BCAR1: variants seen among roughly 807,000 people sequenced by gnomAD.
The protein encoded by BCAR1 is breast cancer anti-estrogen resistance protein 1.
In BCAR1, 30 loss-of-function variants were observed where a neutral mutation model predicts 67.6. That is an observed-to-expected ratio of 0.44 (90% CI 0.33 to 0.60). The LOEUF is 0.60. Ranked by LOEUF, BCAR1 falls within the 20% of genes least tolerant of loss-of-function variation. The pLI is 0.02. For missense variants in BCAR1, 1,313 were observed against 1,222.3 expected (o/e 1.07, Z -1.11); for synonymous variants, 626 against 556.7 (o/e 1.12, Z -1.75).
chr16:75,244,438 C>T (rs996872798), intron 1 of BCAR1, among the ~76,000 whole-genome samples: 1 of 152,208 alleles, frequency 6.6e-6, no homozygotes, highest in African/African-American at 2.4e-5. Context: ...GTCCCTAGGG[C>T]CCACCCTCCT....
intron 6 of BCAR1, 121 bp from the exon 7 acceptor site, chr16:75,230,144 C>G (rs891763325): frequency 1.6e-6 from 2 of 1,261,580 alleles, no homozygotes; most frequent in African/African-American, 3.0e-5. Flanking sequence ...GTGCATGGGA[C>G]TGCAGGGAAA....
At chr16:75,262,478 C>A (rs1200731987) in intron 1 of BCAR1, among the ~76,000 whole-genome samples, 1 of 152,214 alleles carries the variant, frequency 6.6e-6, no homozygotes, top group East Asian at 1.9e-4. Flanking sequence ...AGGCAGCTGG[C>A]TGGAGATCAC....
At position 75,235,815 on chromosome 16, in the gene BCAR1, A is replaced by T; in HGVS notation, c.1084T>A (p.Tyr362Asn). 6.3e-7 allele frequency: 1 copy of T among 1,589,528 alleles called. No homozygotes were observed. The highest frequency in any genetic ancestry group is 1.1e-5 in the South Asian group (1 of 87,782). ...PPDSPPAEDV[Y>N]DVPPPAPDLY... Reference sequence around the variant, plus strand: ...TCAGGAGCCGGGGGCGGCACGTCATACACGTCCTCGGCCGGCGGGGAGTCT... The same window carrying T: ...TCAGGAGCCGGGGGCGGCACGTCATTCACGTCCTCGGCCGGCGGGGAGTCT... Residue 362 changes from tyrosine to asparagine, a missense_variant, in exon 5 of 7, where the codon TAT (tyrosine) becomes AAT (asparagine). By Grantham distance (143) the Tyr-to-Asn change is moderately radical. Coordinates refer to ENST00000162330, the MANE Select transcript of BCAR1 (RefSeq NM_014567.5).
rs915165276 is a variant in BCAR1 at position 75,229,107 on chromosome 16, C to G, written c.*404G>C. The G allele has an allele frequency of 2.8e-5, 5 of 180,282 alleles. No homozygotes were observed. Among genetic ancestry groups the G allele is most frequent in the Non-Finnish European group, 5.7e-5 (5 of 87,680 alleles). 11.2% of individuals were successfully genotyped at this position (180,282 alleles called of 1,614,324 possible). A position where few individuals can be genotyped will look rare whatever the true frequency, so the allele number is the denominator to read the frequency against. ...GGAAAACCAATAACGAAAAATAGTT[C>G]TTCAGGTTCTTCTCCTGGTAAGGCG... On this transcript the variant is annotated 3_prime_UTR_variant, in exon 7 of 7. Coordinates refer to ENST00000162330, the MANE Select transcript of BCAR1 (RefSeq NM_014567.5).
chr16:75,256,757 G>C (rs2151471809), intron 1 of BCAR1, among the ~76,000 whole-genome samples: 1 of 152,200 alleles, frequency 6.6e-6, no homozygotes, highest in East Asian at 1.9e-4. Flanking sequence ...GTGCCGTTCA[G>C]AGGCTCTCCG....
At position 75,237,316 on chromosome 16, in the gene BCAR1, C is replaced by T. The variant is rs750424218; in HGVS notation, c.662G>A (p.Gly221Asp). Residue 221 changes from glycine to aspartate, a missense_variant, in exon 3 of 7, where the codon GGC (glycine) becomes GAC (aspartate). Transcript: ENST00000162330. ...KVVVPTRVGQ[G>D]YVYEAAQPEQ... is the part of the protein sequence containing the mutation. ...CGGCTGGGCGGCCTCGTATACATAG[C>T]CCTGCCCCACGCGGGTGGGCACCAC... The T allele has an allele frequency of 1.3e-6, 2 of 1,490,780 alleles. No homozygotes were observed. Among genetic ancestry groups the T allele is most frequent in the Non-Finnish European group, 1.8e-6 (2 of 1,123,512 alleles). 92.3% of individuals were successfully genotyped at this position (1,490,780 alleles called of 1,614,324 possible). A position where few individuals can be genotyped will look rare whatever the true frequency, so the allele number is the denominator to read the frequency against.
intron 2 of BCAR1, among the ~76,000 whole-genome samples, chr16:75,237,935 T>TG (rs1465448368): frequency 6.6e-6 from 1 of 152,108 alleles, no homozygotes; most frequent in South Asian, 2.1e-4. Context: ...GGGTGTGTGC[T>TG]GGGGGGCGCA....
intron 1 of BCAR1, chr16:75,266,046 A>G: frequency 2.9e-6 from 3 of 1,024,738 alleles, no homozygotes; most frequent in East Asian, 9.5e-5. Flanking sequence ...CTCCGCGGCC[A>G]GGGACGCGTT....
At chr16:75,262,528 G>A (rs992973061) in intron 1 of BCAR1, among the ~76,000 whole-genome samples, 9 of 152,180 alleles carry the variant, frequency 5.9e-5, no homozygotes, top group Admixed American at 5.2e-4. Context: ...AAGGCCCAGC[G>A]GCAGAAGAGG....
In BCAR1 at chr16:75,233,943, G is replaced by T; in HGVS notation, c.2011-8C>A. 1 of 1,597,364 alleles carries T rather than the reference G, an allele frequency of 6.3e-7. No individual in the cohort carries two copies. The highest frequency in any genetic ancestry group is 8.5e-7 in the Non-Finnish European group (1 of 1,171,076). On this transcript the variant is annotated splice_region_variant and splice_polypyrimidine_tract_variant and intron_variant, in intron 5 of 6. Coordinates refer to ENST00000162330, the MANE Select transcript of BCAR1 (RefSeq NM_014567.5). ...CTCAAACTCCTCCTTCCCCTGGAGG[G>T]CAGAGACAGGGGCTGCGCTGAGGCC... is the stretch of plus-strand genomic sequence containing the variant.
rs185296611 is a variant in BCAR1, at chr16:75,239,294, A to T, written c.634-1950T>A. On this transcript the variant is annotated intron_variant, in intron 2 of 6. Coordinates refer to ENST00000162330, the MANE Select transcript of BCAR1 (RefSeq NM_014567.5). Reference sequence around the variant, plus strand: ...AGGAGGAGAGAACAGAGGCACAGTCACTGACATAAGACCCACACGGTCTCT... The same window carrying T: ...AGGAGGAGAGAACAGAGGCACAGTCTCTGACATAAGACCCACACGGTCTCT... Among the ~76,000 whole-genome samples the T allele has an allele frequency of 9.7e-4, 147 of 152,228 alleles. 1 individual carries two copies. The highest frequency in any genetic ancestry group is 3.5e-3 in the African/African-American group (144 of 41,538).
intron 1 of BCAR1, among the ~76,000 whole-genome samples, chr16:75,256,996 C>A (rs1313915515): frequency 6.6e-6 from 1 of 152,160 alleles, no homozygotes; most frequent in East Asian, 1.9e-4. Flanking sequence ...GCAGAGGCAG[C>A]CCCTCAGCAC....
upstream of BCAR1, among the ~76,000 whole-genome samples, chr16:75,255,977 C>T (rs977602416): frequency 9.9e-5 from 15 of 152,182 alleles, no homozygotes; most frequent in Admixed American, 8.5e-4. Flanking sequence ...GGCGAGAGAG[C>T]GAAACTACGT....
At position 75,242,485 on chromosome 16, in the gene BCAR1, C is replaced by T. The variant is rs781398124; in HGVS notation, c.618G>A (p.Thr206=). ...PSMDTRSWEG[T]KPPAKVVVPT... is the part of the protein sequence containing the mutation. ...ACAGCCTTACCTTTGCCGGGGGCTT[C>T]GTGCCCTCCCAGCTGCGTGTGTCCA... is the stretch of plus-strand genomic sequence containing the variant. Residue 206 remains threonine, a synonymous_variant, in exon 2 of 7, where the codon ACG becomes ACA. Coordinates refer to ENST00000162330, the MANE Select transcript of BCAR1 (RefSeq NM_014567.5). The T allele has an allele frequency of 3.9e-5, 57 of 1,456,168 alleles. No homozygotes were observed. The highest frequency in any genetic ancestry group is 1.3e-4 in the South Asian group (8 of 61,608). The allele number at this position is 1,456,168 out of a possible 1,614,324, so 90.2% of individuals were successfully genotyped here. A position where few individuals can be genotyped will look rare whatever the true frequency, so the allele number is the denominator to read the frequency against.
chr16:75,235,728 G>T lies in BCAR1; in HGVS notation c.1171C>A (p.Arg391Ser). ...ACCTCAGGAGGAAGCACCCGTTCAC[G>T]GGGCACATCGTACAGGGTGCCCGGG... is the stretch of plus-strand genomic sequence containing the variant. ...PGPGTLYDVP[R>S]ERVLPPEVAD... is the part of the protein sequence containing the mutation. Residue 391 changes from arginine (R) to serine (S), a missense_variant, in exon 5 of 7, where the codon CGT becomes AGT. This residue lies in a region of BCAR1 where 1,272 missense variants were observed against 1,137.5 expected (regional missense o/e 1.12). Coordinates refer to ENST00000162330, the MANE Select transcript of BCAR1 (RefSeq NM_014567.5). 6.2e-7 allele frequency: 1 copy of T among 1,605,412 alleles called. No individual in the cohort carries two copies. The highest frequency in any genetic ancestry group is 8.5e-7 in the Non-Finnish European group (1 of 1,175,898).
At chr16:75,266,894 TG>T (rs1472867010) in intron 1 of BCAR1, 1 of 833,332 alleles carries the variant, frequency 1.2e-6, no homozygotes, top group Non-Finnish European at 1.6e-6. Flanking sequence ...CCCGGGCTCA[TG>T]GCGGGGACCT....
intron 1 of BCAR1, chr16:75,243,611 A>T: frequency 2.3e-6 from 1 of 432,658 alleles, no homozygotes; most frequent in South Asian, 1.6e-5. Flanking sequence ...ATTAATTTAG[A>T]AACTTCAAAC....
At chr16:75,257,205 C>T (rs2077798586) in intron 1 of BCAR1, among the ~76,000 whole-genome samples, 1 of 152,182 alleles carries the variant, frequency 6.6e-6, no homozygotes, top group Non-Finnish European at 1.5e-5. Context: ...CAGCCATCTG[C>T]TCTCCCATGG....
rs561074431 is a variant in BCAR1 at position 75,242,921 on chromosome 16, T to C, written c.182A>G (p.Lys61Arg). 45 of 1,612,656 alleles carry C rather than the reference T, an allele frequency of 2.8e-5. No homozygotes were observed. In the East Asian group the frequency reaches 8.5e-4, roughly 30 times the overall value. The change falls in exon 2 of 7, where the codon AAG becomes AGG. Residue 61 changes from lysine to arginine, a missense_variant. By Grantham distance (26) the Lys-to-Arg change is conservative. Around this residue, in one of 2 missense-constraint regions of BCAR1, gnomAD observed 1,272 missense variants for 1,137.5 expected, o/e 1.12. Transcript: ENST00000162330. ...CTTATCATACATGCCCACCAAGATCTTGAGGCGGTTCCCAGGCACGATGCC... is the reference window on the plus strand; with the variant it reads ...CTTATCATACATGCCCACCAAGATCCTGAGGCGGTTCCCAGGCACGATGCC... Reference protein sequence around the residue: ...RQGIVPGNRLKILVGMYDKKP... With the variant: ...RQGIVPGNRLRILVGMYDKKP...
Sources: gnomAD v4.1 joint callset for allele counts (sites outside exome capture counted in the v4.1 genomes callset) on GRCh38, gnomAD v4.1.1 for gene constraint, gnomAD v4.1.1 regional missense constraint, MANE v1.5 for transcripts, NCBI Gene and HGNC (gene_info 2026-07-23, HGNC 2026-07-21) for gene names.